The following FBLN7 variants were observed in gnomAD, a reference collection of about 807,000 sequenced individuals.
FBLN7 encodes fibulin-7.
A neutral mutation model predicts 44.0 loss-of-function variants in FBLN7; 31 were observed. The ratio of observed to expected loss-of-function variants is 0.70; its 90% CI spans 0.53 to 0.95. The LOEUF (loss-of-function observed/expected upper bound fraction) is 0.95. FBLN7 is among the 40% of genes least tolerant of loss of function. The pLI is 0.00. For synonymous variants in FBLN7, 262 were observed against 253.4 expected (o/e 1.03, Z -0.32); for missense variants, 573 against 618.5 (o/e 0.93, Z 0.78).
chr2:112,219,794 A>C, the FBLN7 span, among the ~76,000 whole-genome samples: 1 of 152,134 alleles, frequency 6.6e-6, no homozygotes, highest in African/African-American at 2.4e-5. Flanking sequence ...CATTTGGTCA[A>C]GTATAGAGTT....
At chr2:112,192,394 G>A (rs543984954), downstream of FBLN7, among the ~76,000 whole-genome samples, 1 of 152,130 alleles carries the variant, frequency 6.6e-6, no homozygotes, top group Non-Finnish European at 1.5e-5. Flanking sequence ...AGGACAGAGA[G>A]GCCTGAGTGG....
chr2:112,175,787 C>A lies in FBLN7; in HGVS notation c.480C>A (p.Cys160Ter). ...TAGAAGGAGTCAACCAGTACAGATG[C>A]ATTTGTCCTCCAGGAAGGACTGGGA... ...TCVEGVNQYR[C>*]ICPPGRTGNR... is the part of the protein sequence containing the mutation. Residue 160 changes from cysteine to a stop codon, truncating the protein, a stop_gained, in exon 4 of 8, where the codon TGC becomes TGA. Coordinates refer to ENST00000331203, the MANE Select transcript of FBLN7 (RefSeq NM_153214.3). LOFTEE classifies it high-confidence loss of function. The A allele has an allele frequency of 1.2e-6, 2 of 1,614,146 alleles. No individual in the cohort carries two copies. The highest frequency in any genetic ancestry group is 1.7e-6 in the Non-Finnish European group (2 of 1,180,022).
intron 1 of FBLN7, among the ~76,000 whole-genome samples, chr2:112,146,899 G>A (rs556526992): frequency 6.6e-4 from 101 of 152,246 alleles, no homozygotes; most frequent in Non-Finnish European, 1.2e-3. Context: ...GAAAGGATTC[G>A]TTTTTTCAAC....
In FBLN7 at chr2:112,163,337, A is replaced by C. The variant is rs569857562; in HGVS notation, c.236-1664A>C. 3.3e-4 allele frequency among the ~76,000 whole-genome samples: 50 copies of C among 152,338 alleles called. No individual in the cohort carries two copies. The South Asian group carries it at 9.9e-3, about 30-fold the overall frequency. ...ATGGGGGATGCTCAGTGACTCTGTC[A>C]CTTGCTTTGACCTGCACAGTTGAAG... On this transcript the variant is annotated intron_variant, in intron 2 of 7. Coordinates refer to ENST00000331203, the MANE Select transcript of FBLN7 (RefSeq NM_153214.3).
intron 1 of FBLN7, among the ~76,000 whole-genome samples, chr2:112,139,045 C>T (rs1201715105): frequency 7.1e-5 from 4 of 56,352 alleles, no homozygotes; most frequent in South Asian, 1.1e-3. Flanking sequence ...TCCAGGCCAG[C>T]GTCCCTCCCG....
At chr2:112,195,247 C>T in the FBLN7 span, among the ~76,000 whole-genome samples, 1 of 152,174 alleles carries the variant, frequency 6.6e-6, no homozygotes, top group Non-Finnish European at 1.5e-5. Context: ...TAGATCGTAG[C>T]AATCTAGTTT....
intron 1 of FBLN7, among the ~76,000 whole-genome samples, chr2:112,149,358 C>T (rs551965339): frequency 1.3e-5 from 2 of 152,332 alleles, no homozygotes; most frequent in South Asian, 2.1e-4. Flanking sequence ...CAATCAGGAA[C>T]GGATGTCCTC....
chr2:112,195,322 C>T, the FBLN7 span, among the ~76,000 whole-genome samples: 5 of 152,210 alleles, frequency 3.3e-5, no homozygotes, highest in South Asian at 1.0e-3. Flanking sequence ...ATATACCTTG[C>T]TTACTTATGC....
chr2:112,178,904 G>GGCAAAAACTGAAA (rs70962992), intron 4 of FBLN7, among the ~76,000 whole-genome samples: 1 of 151,782 alleles, frequency 6.6e-6, no homozygotes, highest in Admixed American at 6.6e-5. Context: ...GTACGGAATG[G>GGCAAAAACTGAAA]GCATTCTCCT....
the FBLN7 span, among the ~76,000 whole-genome samples, chr2:112,208,071 A>C: frequency 1.3e-5 from 2 of 152,358 alleles, no homozygotes; most frequent in South Asian, 4.1e-4. Context: ...AAATGGGCAT[A>C]GTTGTGTTCC....
the FBLN7 span, among the ~76,000 whole-genome samples, chr2:112,234,800 AG>A: frequency 6.6e-6 from 1 of 152,008 alleles, no homozygotes; most frequent in African/African-American, 2.4e-5. Flanking sequence ...ACTCCATCTC[AG>A]GGAGAAAAAA....
chr2:112,237,376 C>G, the FBLN7 span, among the ~76,000 whole-genome samples: 5 of 152,138 alleles, frequency 3.3e-5, no homozygotes, highest in African/African-American at 1.2e-4. Flanking sequence ...ACAATGACCT[C>G]ATAAATTACT....
At chr2:112,219,831 C>T in the FBLN7 span, among the ~76,000 whole-genome samples, 1 of 152,184 alleles carries the variant, frequency 6.6e-6, no homozygotes, top group East Asian at 1.9e-4. Flanking sequence ...TTGTTACTTT[C>T]CTACCTCAAC....
chr2:112,230,784 T>C, the FBLN7 span: 1 of 593,970 alleles, frequency 1.7e-6, no homozygotes, highest in Non-Finnish European at 2.5e-6. Context: ...TTATAATTCT[T>C]TTTTAGTGGC....
chr2:112,142,894 AGTGTAT>A (rs1435331054), intron 1 of FBLN7, among the ~76,000 whole-genome samples: 2 of 150,934 alleles, frequency 1.3e-5, no homozygotes, highest in African/African-American at 4.9e-5. Context: ...TGTGATGGTA[AGTGTAT>A]GTGTGTGTGC....
the FBLN7 span, among the ~76,000 whole-genome samples, chr2:112,203,115 TG>T: frequency 6.6e-6 from 1 of 152,184 alleles, no homozygotes; most frequent in African/African-American, 2.4e-5. Flanking sequence ...GACACATCCC[TG>T]GGAATCTAGA....
chr2:112,208,200 G>A, the FBLN7 span, among the ~76,000 whole-genome samples: 4 of 152,104 alleles, frequency 2.6e-5, no homozygotes, highest in Admixed American at 6.6e-5. Flanking sequence ...AGGAGTTCAA[G>A]ACCAGCCTGG....
the FBLN7 span, among the ~76,000 whole-genome samples, chr2:112,243,728 T>C: frequency 6.6e-6 from 1 of 152,168 alleles, no homozygotes; most frequent in Non-Finnish European, 1.5e-5. Context: ...ATTTTGCTTC[T>C]TGCCTTAAAA....
chr2:112,192,872 G>C (rs1021965348), downstream of FBLN7, among the ~76,000 whole-genome samples: 3 of 152,196 alleles, frequency 2.0e-5, no homozygotes, highest in South Asian at 6.2e-4. Context: ...TGTTCTACTT[G>C]CTGAAGTTAC....
Sources: allele counts gnomAD v4.1 joint callset (sites outside exome capture counted in the v4.1 genomes callset), GRCh38; gene constraint gnomAD v4.1.1; transcripts MANE v1.5; gene names NCBI Gene and HGNC (gene_info 2026-07-23, HGNC 2026-07-21).